VPS53: variants seen among roughly 807,000 people sequenced by gnomAD.
VPS53 encodes VPS53 subunit of GARP complex.
A neutral mutation model predicts 107.0 loss-of-function variants in VPS53; 70 were observed. The observed-to-expected ratio is 0.65, with a 90% CI of 0.54 to 0.80. The LOEUF is 0.80. Among genes scored for constraint, VPS53 ranks in the 30% least tolerant of loss-of-function variants. The pLI is 0.00. For synonymous variants in VPS53, 409 were observed against 393.3 expected, an observed-to-expected ratio of 1.04 and a Z score of -0.47; for missense variants, 917 against 1,049.4, an observed-to-expected ratio of 0.87 and a Z score of 1.74.
intron 8 of VPS53, among the ~76,000 whole-genome samples, chr17:629,299 T>C (rs541235658): frequency 2.0e-5 from 3 of 152,322 alleles, no homozygotes; most frequent in East Asian, 3.9e-4. Context: ...AGTGACCTGA[T>C]AGAGAAGTCA....
At chr17:571,788 G>A (rs1384242801) in intron 13 of VPS53, among the ~76,000 whole-genome samples, 2 of 152,216 alleles carry the variant, frequency 1.3e-5, no homozygotes, top group Admixed American at 1.3e-4. Flanking sequence ...CGAGTGATCC[G>A]CCAGCCTCGG....
At chr17:567,440 T>G (rs1156642001) in intron 13 of VPS53, among the ~76,000 whole-genome samples, 2 of 152,088 alleles carry the variant, frequency 1.3e-5, no homozygotes. Flanking sequence ...AGAATGTAAG[T>G]TACCCCAATG....
At position 657,476 on chromosome 17, in the gene VPS53, G is replaced by A. The variant is rs184416733; in HGVS notation, c.373-1523C>T. 2.7e-3 allele frequency: 3,840 copies of A among 1,444,446 alleles called. 14 individuals carry two copies. Among genetic ancestry groups the A allele is most frequent in the African/African-American group, 4.1e-3 (296 of 71,628 alleles). The allele number at this position is 1,444,446 out of a possible 1,614,324, so 89.5% of individuals were successfully genotyped here. On this transcript the variant is annotated intron_variant, in intron 5 of 21. Coordinates refer to ENST00000437048, the MANE Select transcript of VPS53 (RefSeq NM_001128159.3). ...TGGACGGACGAGGAGCAAACACACC[G>A]GTCAATTTATCCAGCATCCAATGCT...
intron 4 of VPS53, among the ~76,000 whole-genome samples, chr17:695,412 G>A (rs1376434627): frequency 6.6e-6 from 1 of 152,154 alleles, no homozygotes; most frequent in Admixed American, 6.6e-5. Flanking sequence ...AGCATTTCAA[G>A]CACAAAAGAG....
At chr17:683,147 C>T (rs992528381) in intron 4 of VPS53, among the ~76,000 whole-genome samples, 3 of 152,100 alleles carry the variant, frequency 2.0e-5, no homozygotes, top group African/African-American at 4.8e-5. Flanking sequence ...AAATCCAACA[C>T]CTGCAGGACA....
intron 4 of VPS53, among the ~76,000 whole-genome samples, chr17:671,015 A>G (rs1971914953): frequency 6.6e-6 from 1 of 152,038 alleles, no homozygotes; most frequent in South Asian, 2.1e-4. Flanking sequence ...CAAATCACCT[A>G]AGGTCAGGAG....
At chr17:586,131 C>A in intron 13 of VPS53, 139 bp downstream of exon 13, 2 of 672,514 alleles carry the variant, frequency 3.0e-6, no homozygotes, top group East Asian at 2.7e-5. Flanking sequence ...TAAAAATACC[C>A]CTAATGGGTT....
intron 12 of VPS53, among the ~76,000 whole-genome samples, chr17:594,474 C>G (rs150450341): frequency 0.011 from 1,664 of 149,858 alleles, 25 homozygotes; most frequent in African/African-American, 0.034. Flanking sequence ...CTGGAGGAAG[C>G]TGGGAGATGG....
chr17:562,766 C>G (rs376807636), intron 13 of VPS53, 21 bp from the exon 14 acceptor site: 24 of 1,583,848 alleles, frequency 1.5e-5, no homozygotes, highest in Middle Eastern at 1.7e-4. Flanking sequence ...AAAAAAAAAC[C>G]AAAAATGTTA....
At chr17:670,587 G>C (rs938620241) in intron 4 of VPS53, among the ~76,000 whole-genome samples, 2 of 152,090 alleles carry the variant, frequency 1.3e-5, no homozygotes, top group Admixed American at 6.5e-5. Context: ...GTAGACAGAG[G>C]GGCTCTGATT....
intron 6 of VPS53, among the ~76,000 whole-genome samples, chr17:654,826 G>T (rs950777769): frequency 2.0e-5 from 3 of 151,468 alleles, no homozygotes; most frequent in African/African-American, 7.3e-5. Context: ...TTTTACCACC[G>T]CCTGGTCTTA....
chr17:672,205 CT>C (rs1971991113), intron 4 of VPS53, among the ~76,000 whole-genome samples: 1 of 151,634 alleles, frequency 6.6e-6, no homozygotes, highest in Admixed American at 6.6e-5. Flanking sequence ...CTCTCTCTCT[CT>C]CTCTCTGAGC....
At chr17:633,694 A>C (rs1455687008) in intron 7 of VPS53, among the ~76,000 whole-genome samples, 1 of 152,204 alleles carries the variant, frequency 6.6e-6, no homozygotes, top group East Asian at 1.9e-4. Context: ...GGAGGCCAGA[A>C]TGATCCAGAC....
At chr17:521,152 G>A (rs1274831961) in intron 20 of VPS53, among the ~76,000 whole-genome samples, 11 of 152,132 alleles carry the variant, frequency 7.2e-5, no homozygotes, top group Admixed American at 2.6e-4. Flanking sequence ...TGTTAAATGG[G>A]GCTTTAAAAT....
chr17:631,674 T>C (rs1382967854), intron 7 of VPS53, 46 bp from the exon 8 acceptor site: 1 of 1,570,226 alleles, frequency 6.4e-7, no homozygotes, highest in Non-Finnish European at 8.8e-7. Flanking sequence ...CATATCCTTA[T>C]GTAACTACAC....
chr17:606,852 C>T (rs1489253954), intron 11 of VPS53, among the ~76,000 whole-genome samples: 1 of 151,200 alleles, frequency 6.6e-6, no homozygotes, highest in Non-Finnish European at 1.5e-5. Context: ...CATCCCCTAC[C>T]CCCATCCCCT....
At chr17:578,544 T>G (rs1402396660) in intron 13 of VPS53, among the ~76,000 whole-genome samples, 16 of 146,680 alleles carry the variant, frequency 1.1e-4, no homozygotes. Context: ...AGATCCTCCC[T>G]CAGAATTTAA....
chr17:702,957 A>G (rs914524020), intron 2 of VPS53, among the ~76,000 whole-genome samples: 3 of 152,146 alleles, frequency 2.0e-5, no homozygotes, highest in Non-Finnish European at 4.4e-5. Context: ...TGTAATCCCA[A>G]CACTTTGGGA....
chr17:531,368 AACGG>A (rs1326387004), intron 19 of VPS53, among the ~76,000 whole-genome samples: 1 of 152,230 alleles, frequency 6.6e-6, no homozygotes, highest in Non-Finnish European at 1.5e-5. Flanking sequence ...CACACCTCAA[AACGG>A]AAGTAAACAT....
Sources: gnomAD v4.1 joint callset for allele counts (sites outside exome capture counted in the v4.1 genomes callset) on GRCh38, gnomAD v4.1.1 for gene constraint, MANE v1.5 for transcripts, NCBI Gene and HGNC (gene_info 2026-07-23, HGNC 2026-07-21) for gene names.